Variants in C10orf67 observed in about 807,000 individuals in gnomAD.
The protein encoded by C10orf67 is uncharacterized protein C10orf67, mitochondrial.
In C10orf67, 60 loss-of-function variants were observed where a neutral mutation model predicts 35.6. The ratio of observed to expected loss-of-function variants is 1.68; its 90% CI spans 1.37 to 2.09. The LOEUF (loss-of-function observed/expected upper bound fraction) is 2.09. Ranked by LOEUF, C10orf67 falls within the 30% of genes most tolerant of loss-of-function variation. C10orf67 has a pLI of 0.00. For missense variants in C10orf67, 474 were observed against 330.2 expected (o/e 1.44, Z -3.38); for synonymous variants, 167 against 115.8 (o/e 1.44, Z -2.84).
At chr10:23,236,254 A>G (rs796772954) in intron 13 of C10orf67, among the ~76,000 whole-genome samples, 50 of 20,818 alleles carry the variant, frequency 2.4e-3, no homozygotes, top group South Asian at 8.7e-3. Context: ...CTCTCGGGGG[A>G]AAAAAAAAAA....
At chr10:23,213,563 T>C (rs1841364193) in intron 15 of C10orf67, among the ~76,000 whole-genome samples, 1 of 152,052 alleles carries the variant, frequency 6.6e-6, no homozygotes, top group Admixed American at 6.5e-5. Context: ...TAAATTACCA[T>C]CAAAGAGTGA....
intron 2 of C10orf67, among the ~76,000 whole-genome samples, chr10:23,323,004 G>A (rs1241441121): frequency 6.6e-6 from 1 of 152,108 alleles, no homozygotes; most frequent in Admixed American, 6.6e-5. Flanking sequence ...TGTATGCATT[G>A]TGGAATTCCA....
intron 13 of C10orf67, among the ~76,000 whole-genome samples, chr10:23,235,767 G>A (rs1452409892): frequency 6.6e-6 from 1 of 152,120 alleles, no homozygotes; most frequent in African/African-American, 2.4e-5. Flanking sequence ...ATTAATTAGG[G>A]AAATGCAAAT....
intron 1 of C10orf67, among the ~76,000 whole-genome samples, chr10:23,335,516 A>G (rs897704258): frequency 6.6e-6 from 1 of 152,232 alleles, no homozygotes; most frequent in African/African-American, 2.4e-5. Flanking sequence ...TAAGCCCTCA[A>G]GAAATGTTAC....
chr10:23,341,479 G>A (rs552572737), intron 1 of C10orf67, among the ~76,000 whole-genome samples: 2 of 152,214 alleles, frequency 1.3e-5, no homozygotes, highest in South Asian at 4.2e-4. Context: ...CTGTTTCCTT[G>A]TTTCTGCCCT....
At chr10:23,231,320 T>C (rs916535743) in intron 13 of C10orf67, among the ~76,000 whole-genome samples, 1 of 152,310 alleles carries the variant, frequency 6.6e-6, no homozygotes, top group East Asian at 1.9e-4. Context: ...GTCATATCCT[T>C]AAGGATAAAT....
At chr10:23,323,946 T>TACACAC (rs1228876529) in intron 2 of C10orf67, among the ~76,000 whole-genome samples, 1 of 56,450 alleles carries the variant, frequency 1.8e-5, no homozygotes, top group Non-Finnish European at 3.4e-5. Flanking sequence ...TATATATATA[T>TACACAC]ATATATACAC....
chr10:23,222,399 C>G (rs1841608468), intron 15 of C10orf67, among the ~76,000 whole-genome samples: 1 of 151,992 alleles, frequency 6.6e-6, no homozygotes. Flanking sequence ...TAAGTGAATT[C>G]ATATAGAAGT....
rs112092736 is a variant in C10orf67 at position 23,327,508 on chromosome 10, T to C, written c.328-4971A>G. 2.1e-3 allele frequency among the ~76,000 whole-genome samples: 315 copies of C among 152,164 alleles called. 1 individual carries two copies. The highest frequency in any genetic ancestry group is 7.1e-3 in the African/African-American group (294 of 41,510). On this transcript the variant is annotated intron_variant, in intron 2 of 15. Transcript: ENST00000636213. ...CTTCATATAGAAAAAATACATAAAT[T>C]CAATAATTAATAAATACAGATTTTT...
intron 4 of C10orf67, among the ~76,000 whole-genome samples, chr10:23,308,943 C>T (rs1190883761): frequency 1.3e-5 from 2 of 152,180 alleles, no homozygotes; most frequent in East Asian, 1.9e-4. Context: ...CTCCCACCCA[C>T]CCACCTTCCA....
chr10:23,272,784 G>C (rs1843065404), intron 8 of C10orf67, among the ~76,000 whole-genome samples: 1 of 152,182 alleles, frequency 6.6e-6, no homozygotes, highest in African/African-American at 2.4e-5. Context: ...AATCTGGAGA[G>C]AATTGACAGC....
chr10:23,331,179 G>T, intron 2 of C10orf67, among the ~76,000 whole-genome samples: 2 of 60,168 alleles, frequency 3.3e-5, no homozygotes, highest in African/African-American at 7.2e-5. Context: ...ACCGGGACGG[G>T]GAAGGGAAGG....
intron 10 of C10orf67, among the ~76,000 whole-genome samples, chr10:23,257,458 C>T (rs906309904): frequency 4.6e-5 from 7 of 152,092 alleles, no homozygotes; most frequent in African/African-American, 1.7e-4. Flanking sequence ...CAGAGAAAAG[C>T]ACTCTGTGAC....
intron 4 of C10orf67, among the ~76,000 whole-genome samples, chr10:23,306,989 T>G (rs1313812538): frequency 6.6e-6 from 1 of 152,216 alleles, no homozygotes; most frequent in Non-Finnish European, 1.5e-5. Flanking sequence ...AAAATTTGAA[T>G]ATGTAGAAAA....
intron 4 of C10orf67, among the ~76,000 whole-genome samples, chr10:23,305,303 T>C (rs1464306725): frequency 2.0e-5 from 3 of 152,062 alleles, no homozygotes; most frequent in Admixed American, 1.3e-4. Flanking sequence ...GTTGAACAAA[T>C]CAAGAAAAAC....
At chr10:23,334,035 G>A (rs1487573030) in intron 1 of C10orf67, among the ~76,000 whole-genome samples, 1 of 152,152 alleles carries the variant, frequency 6.6e-6, no homozygotes, top group Admixed American at 6.5e-5. Flanking sequence ...CTTATTTTAA[G>A]TGAATCAATA....
intron 12 of C10orf67, among the ~76,000 whole-genome samples, chr10:23,242,262 C>T (rs1229297470): frequency 1.3e-5 from 2 of 152,260 alleles, no homozygotes; most frequent in East Asian, 3.9e-4. Flanking sequence ...AGCCACCATG[C>T]CCGGCCTACT....
At chr10:23,314,347 C>T (rs1478366229) in intron 4 of C10orf67, among the ~76,000 whole-genome samples, 2 of 152,022 alleles carry the variant, frequency 1.3e-5, no homozygotes, top group African/African-American at 4.8e-5. Context: ...TTTGGCCAGG[C>T]ACGGTGCCTC....
chr10:23,343,873 G>C (rs760433776), intron 1 of C10orf67: 2 of 462,426 alleles, frequency 4.3e-6, no homozygotes, highest in African/African-American at 4.0e-5. Flanking sequence ...GCTCCGGGGC[G>C]GGCCGGCGGG....
Sources: gnomAD v4.1 joint callset for allele counts (sites outside exome capture counted in the v4.1 genomes callset) on GRCh38, gnomAD v4.1.1 for gene constraint, MANE v1.5 for transcripts, NCBI Gene and HGNC (gene_info 2026-07-23, HGNC 2026-07-21) for gene names.